CDYL: variants seen among roughly 807,000 people sequenced by gnomAD.
CDYL encodes the protein chromodomain Y like, also known as chromodomain Y-like protein.
Under a neutral mutation model 47.3 loss-of-function variants are expected in CDYL, and 8 were observed. The ratio of observed to expected loss-of-function variants is 0.17; its 90% confidence interval spans 0.10 to 0.31. The LOEUF (loss-of-function observed/expected upper bound fraction) is 0.31, where lower values mean the gene tolerates loss of function less well. Ranked by LOEUF, CDYL falls within the 10% of genes least tolerant of loss-of-function variation. The pLI is 1.00. For synonymous variants in CDYL, 266 were observed against 265.0 expected, an observed-to-expected ratio of 1.00 and a Z score of -0.04; for missense variants, 471 against 701.4, an observed-to-expected ratio of 0.67 and a Z score of 3.71.
intron 1 of CDYL, among the ~76,000 whole-genome samples, chr6:4,807,307 A>G (rs1165775178): frequency 1.3e-5 from 2 of 152,188 alleles, no homozygotes; most frequent in Non-Finnish European, 2.9e-5. Context: ...ATTAACTGTA[A>G]TCACTTGGTT....
At chr6:4,953,248 G>T (rs1312076016) in intron 6 of CDYL, among the ~76,000 whole-genome samples, 1 of 151,750 alleles carries the variant, frequency 6.6e-6, no homozygotes, top group Admixed American at 6.6e-5. Flanking sequence ...GCCAGGCTTG[G>T]TGGTGCACGC....
rs1471346757 is a variant in CDYL at position 4,876,710 on chromosome 6, T to C, written c.25-15003T>C. 2.6e-5 allele frequency among the ~76,000 whole-genome samples: 4 copies of C among 152,352 alleles called. No individual in the cohort carries two copies. The East Asian group carries it at 7.7e-4, about 29-fold the overall frequency. On this transcript the variant is annotated intron_variant, in intron 1 of 6. Transcript: ENST00000397588. ...AACATTTTAATTATACTTGGTCTTT[T>C]CATTATTCTAGAAACTTTTTATAGG...
chr6:4,723,584 A>T (rs963869015), intron 2 of CDYL, among the ~76,000 whole-genome samples: 1 of 152,176 alleles, frequency 6.6e-6, no homozygotes, highest in Non-Finnish European at 1.5e-5. Flanking sequence ...ACGACCCAGC[A>T]GGAGGCGGCA....
chr6:4,909,568 A>G (rs897221028), intron 2 of CDYL, among the ~76,000 whole-genome samples: 1 of 151,592 alleles, frequency 6.6e-6, no homozygotes, highest in African/African-American at 2.4e-5. Context: ...TAAAATTCAT[A>G]CTTTTTTTTG....
At chr6:4,822,979 A>G (rs1235337382) in intron 1 of CDYL, among the ~76,000 whole-genome samples, 1 of 152,166 alleles carries the variant, frequency 6.6e-6, no homozygotes, top group Non-Finnish European at 1.5e-5. Context: ...AGCCTGCCCA[A>G]TTCCTTCTGT....
intron 1 of CDYL, among the ~76,000 whole-genome samples, chr6:4,787,055 A>G (rs568399202): frequency 1.3e-5 from 2 of 152,316 alleles, no homozygotes; most frequent in Non-Finnish European, 1.5e-5. Context: ...TGCACAGTCC[A>G]GAGGGAAGTT....
intron 1 of CDYL, among the ~76,000 whole-genome samples, chr6:4,799,705 T>C (rs1272327976): frequency 2.0e-5 from 3 of 152,198 alleles, no homozygotes; most frequent in African/African-American, 7.2e-5. Context: ...CCCAAAGTGC[T>C]GAGATTACAG....
chr6:4,900,938 G>A (rs531162468), intron 2 of CDYL, among the ~76,000 whole-genome samples: 2 of 149,808 alleles, frequency 1.3e-5, no homozygotes, highest in African/African-American at 4.9e-5. Flanking sequence ...TGTTTGAGCT[G>A]TGGCGTGCAT....
intron 1 of CDYL, among the ~76,000 whole-genome samples, chr6:4,777,551 A>G (rs967684768): frequency 6.6e-6 from 1 of 152,234 alleles, no homozygotes; most frequent in African/African-American, 2.4e-5. Context: ...ATTTCAAAGT[A>G]GACTTCCTGG....
At chr6:4,840,821 C>G (rs1760466673) in intron 1 of CDYL, among the ~76,000 whole-genome samples, 1 of 151,984 alleles carries the variant, frequency 6.6e-6, no homozygotes, top group Non-Finnish European at 1.5e-5. Flanking sequence ...ATTTTTGCAT[C>G]TATATTCATC....
At chr6:4,841,542 T>C (rs887114720) in intron 1 of CDYL, among the ~76,000 whole-genome samples, 4 of 152,168 alleles carry the variant, frequency 2.6e-5, no homozygotes, top group African/African-American at 4.8e-5. Context: ...ATATGAACTT[T>C]CCACTTAGCA....
rs755358541 is a variant in CDYL at position 4,932,728 on chromosome 6, C to T, written c.692-2787C>T. ...GTCTCCTGTCCCAACATGCCAGCAC[C>T]GTGTCACGTAGCCTCTGCCTGCATC... On this transcript the variant is annotated intron_variant, in intron 2 of 6. Transcript: ENST00000397588. Among the ~76,000 whole-genome samples the T allele has an allele frequency of 3.8e-4, 58 of 152,170 alleles. 1 individual carries two copies. Among genetic ancestry groups the T allele is most frequent in the Non-Finnish European group, 6.6e-4 (45 of 68,034 alleles).
intron 2 of CDYL, among the ~76,000 whole-genome samples, chr6:4,926,855 A>G (rs937314584): frequency 1.3e-5 from 2 of 152,050 alleles, no homozygotes; most frequent in Admixed American, 6.6e-5. Flanking sequence ...GGGGATGGGC[A>G]GTGGAAGGAC....
Position 4,955,078 on chromosome 6 carries a change from CA to C in CDYL, c.*1028del. On this transcript the variant is annotated 3_prime_UTR_variant, in exon 7 of 7. Transcript: ENST00000397588. Reference sequence around the variant, plus strand: ...TTAAATGCAAAAACTCCTTTCAAAACAAAAAAGAACTACCTTATATTCAACA... The same window carrying C: ...TTAAATGCAAAAACTCCTTTCAAAACAAAAAGAACTACCTTATATTCAACA... The C allele has an allele frequency of 6.6e-6, 1 of 152,616 alleles. No homozygotes were observed. Among genetic ancestry groups the C allele is most frequent in the Non-Finnish European group, 1.5e-5 (1 of 67,964 alleles). 9.5% of individuals were successfully genotyped at this position (152,616 alleles called of 1,614,324 possible).
intron 2 of CDYL, among the ~76,000 whole-genome samples, chr6:4,897,135 T>G (rs1258812757): frequency 6.6e-6 from 1 of 152,250 alleles, no homozygotes; most frequent in East Asian, 1.9e-4. Flanking sequence ...ACAAAAGAAG[T>G]AATTGCTTTT....
At chr6:4,863,592 G>T (rs1227159955) in intron 1 of CDYL, among the ~76,000 whole-genome samples, 2 of 152,216 alleles carry the variant, frequency 1.3e-5, no homozygotes, top group Admixed American at 6.5e-5. Flanking sequence ...GCTGGTTCCA[G>T]TTGCAAAATG....
intron 2 of CDYL, among the ~76,000 whole-genome samples, chr6:4,917,109 T>C (rs1000225317): frequency 5.9e-5 from 9 of 152,258 alleles, no homozygotes; most frequent in African/African-American, 2.2e-4. Context: ...CTGCCCTGTC[T>C]TATCAAATCG....
intron 5 of CDYL, among the ~76,000 whole-genome samples, chr6:4,944,956 C>T (rs567718669): frequency 6.6e-6 from 1 of 152,294 alleles, no homozygotes; most frequent in South Asian, 2.1e-4. Flanking sequence ...GCAGCTCAGT[C>T]TCATCATGAG....
chr6:4,903,634 GTC>G (rs1011336458), intron 2 of CDYL, among the ~76,000 whole-genome samples: 2 of 152,176 alleles, frequency 1.3e-5, no homozygotes, highest in Non-Finnish European at 2.9e-5. Context: ...CTCACCAGCA[GTC>G]TCTGGCCCCA....
Sources: allele counts gnomAD v4.1 joint callset (sites outside exome capture counted in the v4.1 genomes callset), GRCh38; gene constraint gnomAD v4.1.1; transcripts MANE v1.5; gene names NCBI Gene and HGNC (gene_info 2026-07-23, HGNC 2026-07-21).